FOXP1: variants seen among roughly 807,000 people sequenced by gnomAD.
FOXP1 encodes the protein forkhead box P1.
FOXP1 carries 15 observed loss-of-function variants against 98.2 expected under a neutral mutation model. The observed-to-expected ratio is 0.15, with a 90% CI of 0.10 to 0.24. FOXP1 has a LOEUF of 0.24. Ranked by LOEUF, FOXP1 falls within the 10% of genes least tolerant of loss-of-function variation. The pLI, the probability that FOXP1 is intolerant of heterozygous loss-of-function variation, is 1.00. For missense variants in FOXP1, 633 were observed against 848.5 expected (o/e 0.75, Z 3.15); for synonymous variants, 371 against 314.5 (o/e 1.18, Z -1.90).
At chr3:71,368,217 C>A (rs1048565902) in intron 3 of FOXP1, among the ~76,000 whole-genome samples, 2 of 150,002 alleles carry the variant, frequency 1.3e-5, no homozygotes, top group African/African-American at 4.9e-5. Context: ...CTCTGCCTCT[C>A]AGGTTCAAAG....
At chr3:71,097,631 C>G (rs1315362703) in intron 7 of FOXP1, among the ~76,000 whole-genome samples, 2 of 152,142 alleles carry the variant, frequency 1.3e-5, no homozygotes, top group Non-Finnish European at 2.9e-5. Flanking sequence ...TTGACAGTAC[C>G]TTTAAATGTC....
chr3:71,382,093 G>A lies in FOXP1; in HGVS notation c.-167-22849C>T, dbSNP rs556921952. Among the ~76,000 whole-genome samples the A allele has an allele frequency of 5.9e-5, 9 of 152,172 alleles. No homozygotes were observed. The South Asian group carries it at 1.2e-3, about 21-fold the overall frequency. On this transcript the variant is annotated intron_variant, in intron 3 of 20. Transcript: ENST00000649528. ...TCAAGACCAGCCTGAGCAACATGGCGAGACCCTGTCTCTACAAAAAATCCA... is the reference window on the plus strand; with the variant it reads ...TCAAGACCAGCCTGAGCAACATGGCAAGACCCTGTCTCTACAAAAAATCCA...
At chr3:71,503,184 T>C (rs2041535192) in intron 2 of FOXP1, among the ~76,000 whole-genome samples, 1 of 152,176 alleles carries the variant, frequency 6.6e-6, no homozygotes, top group Admixed American at 6.5e-5. Flanking sequence ...GAGGTAAGTG[T>C]GAAGTCCCAT....
At chr3:71,324,841 C>T (rs891022991) in intron 4 of FOXP1, among the ~76,000 whole-genome samples, 3 of 152,024 alleles carry the variant, frequency 2.0e-5, no homozygotes, top group African/African-American at 4.8e-5. Flanking sequence ...CAAGCGGTTG[C>T]GAACTCTAAA....
intron 5 of FOXP1, among the ~76,000 whole-genome samples, chr3:71,256,771 G>A (rs763856831): frequency 9.9e-5 from 15 of 152,270 alleles, no homozygotes; most frequent in South Asian, 4.1e-4. Context: ...CCCTGTCATC[G>A]CCATGGGGTA....
intron 6 of FOXP1, among the ~76,000 whole-genome samples, chr3:71,177,074 A>C (rs1576220592): frequency 1.3e-5 from 2 of 152,180 alleles, no homozygotes; most frequent in South Asian, 4.1e-4. Context: ...AAACAAAAAC[A>C]AATGAAAAAA....
intron 6 of FOXP1, among the ~76,000 whole-genome samples, chr3:71,155,395 T>C (rs547774632): frequency 6.0e-4 from 91 of 152,374 alleles, no homozygotes; most frequent in African/African-American, 2.1e-3. Context: ...AAAATTAATG[T>C]ATGTATAATC....
chr3:71,166,894 C>A (rs1401711496), intron 6 of FOXP1, among the ~76,000 whole-genome samples: 2 of 152,082 alleles, frequency 1.3e-5, no homozygotes, highest in Non-Finnish European at 2.9e-5. Flanking sequence ...GCATTCCCAT[C>A]ATGCTCCAGT....
chr3:71,194,633 T>C (rs1576321832), intron 6 of FOXP1, among the ~76,000 whole-genome samples: 1 of 152,172 alleles, frequency 6.6e-6, no homozygotes, highest in African/African-American at 2.4e-5. Context: ...TATTTGTTGC[T>C]GAGTTTCATA....
At chr3:71,571,822 T>C (rs2047361747) in intron 2 of FOXP1, 1 of 152,256 alleles carries the variant, frequency 6.6e-6, no homozygotes, top group African/African-American at 2.4e-5. Flanking sequence ...TGATTTCATC[T>C]AGTCTCGCAT....
intron 5 of FOXP1, among the ~76,000 whole-genome samples, chr3:71,261,644 G>A (rs1348912626): frequency 2.0e-5 from 3 of 152,114 alleles, no homozygotes; most frequent in South Asian, 2.1e-4. Flanking sequence ...CTGTGTTACT[G>A]AGAAATAATC....
At chr3:71,409,851 T>C (rs1291565941) in intron 3 of FOXP1, among the ~76,000 whole-genome samples, 1 of 152,096 alleles carries the variant, frequency 6.6e-6, no homozygotes, top group Non-Finnish European at 1.5e-5. Flanking sequence ...TTGTCTCTGC[T>C]AAAAATACAA....
intron 3 of FOXP1, among the ~76,000 whole-genome samples, chr3:71,388,675 A>C (rs755992758): frequency 1.3e-5 from 2 of 152,238 alleles, no homozygotes; most frequent in Non-Finnish European, 2.9e-5. Flanking sequence ...AAAAGGGAAG[A>C]AGAAAAAAAC....
At chr3:71,575,123 A>T (rs2047625377) in intron 2 of FOXP1, among the ~76,000 whole-genome samples, 3 of 152,178 alleles carry the variant, frequency 2.0e-5, no homozygotes, top group Admixed American at 6.5e-5. Context: ...GGAGTCGTGC[A>T]ACTGTGTCTG....
Position 71,385,484 on chromosome 3 carries a change from G to C in FOXP1, c.-167-26240C>G, listed in dbSNP as rs139597448. 5.3e-3 allele frequency among the ~76,000 whole-genome samples: 806 copies of C among 152,228 alleles called. 10 individuals are homozygous for C. The highest frequency in any genetic ancestry group is 0.018 in the African/African-American group (751 of 41,536). ...GGAGCAGAACCTGCCCCAATCAGCTGCTCTGGGGAGAGACTGACGCCTACC... is the reference window on the plus strand; with the variant it reads ...GGAGCAGAACCTGCCCCAATCAGCTCCTCTGGGGAGAGACTGACGCCTACC... On this transcript the variant is annotated intron_variant, in intron 3 of 20. Coordinates refer to ENST00000649528, the MANE Select transcript of FOXP1 (RefSeq NM_001349338.3).
chr3:71,214,027 A>G (rs754567277), intron 5 of FOXP1, among the ~76,000 whole-genome samples: 2 of 152,174 alleles, frequency 1.3e-5, no homozygotes, highest in Non-Finnish European at 2.9e-5. Context: ...TATTGTCCCT[A>G]CAGTTAGCAA....
rs958023107 is a variant in FOXP1 at position 70,955,491 on chromosome 3, G to A, written c.*3756C>T. ...CTGACAGTGCATTTGTCTGACACACGGGACTACCTCCCTAATGTATGCTTT... is the reference window on the plus strand; with the variant it reads ...CTGACAGTGCATTTGTCTGACACACAGGACTACCTCCCTAATGTATGCTTT... On this transcript the variant is annotated 3_prime_UTR_variant, in exon 21 of 21. Coordinates refer to ENST00000649528, the MANE Select transcript of FOXP1 (RefSeq NM_001349338.3). 1.3e-5 allele frequency: 3 copies of A among 232,476 alleles called. No homozygotes were observed. The highest frequency in any genetic ancestry group is 2.2e-5 in the African/African-American group (1 of 45,152). 14.4% of individuals were successfully genotyped at this position (232,476 alleles called of 1,614,324 possible). A position where few individuals can be genotyped will look rare whatever the true frequency, so the allele number is the denominator to read the frequency against.
chr3:71,433,157 CAT>C (rs1248188140), intron 3 of FOXP1, among the ~76,000 whole-genome samples: 1 of 152,078 alleles, frequency 6.6e-6, no homozygotes, highest in Non-Finnish European at 1.5e-5. Flanking sequence ...ATATGTAACT[CAT>C]ATATGTTAGC....
chr3:71,154,096 C>CTTCT (rs1553761196), intron 6 of FOXP1, among the ~76,000 whole-genome samples: 2,717 of 150,084 alleles, frequency 0.018, 71 homozygotes, highest in African/African-American at 0.062. Flanking sequence ...TCTTCTTCTT[C>CTTCT]TTTTTTTTTG....
Sources: gnomAD v4.1 joint callset for allele counts (sites outside exome capture counted in the v4.1 genomes callset) on GRCh38, gnomAD v4.1.1 for gene constraint, MANE v1.5 for transcripts, NCBI Gene and HGNC (gene_info 2026-07-23, HGNC 2026-07-21) for gene names.